Variants in RAP2A observed in about 807,000 individuals in gnomAD.
RAP2A encodes RAP2A, member of RAS oncogene family.
In RAP2A, 5 loss-of-function variants were observed where a neutral mutation model predicts 15.1. The observed-to-expected ratio is 0.33, with a 90% CI of 0.17 to 0.70. The LOEUF (loss-of-function observed/expected upper bound fraction) is 0.70. Ranked by LOEUF, RAP2A falls within the 30% of genes least tolerant of loss-of-function variation. The probability of loss-of-function intolerance (pLI) is 0.68; values close to 1 mark genes in which losing one functional copy is unlikely to be tolerated. For synonymous variants in RAP2A, 110 were observed against 99.7 expected, an observed-to-expected ratio of 1.10 and a Z score of -0.62; for missense variants, 111 against 240.3, an observed-to-expected ratio of 0.46 and a Z score of 3.56.
Position 97,434,437 on chromosome 13 carries a change from GGGCGGCGGCGGC to G in RAP2A, c.-24_-13del. 5 of 1,543,654 alleles carry G rather than the reference GGGCGGCGGCGGC, an allele frequency of 3.2e-6. No homozygotes were observed. Among genetic ancestry groups the G allele is most frequent in the African/African-American group, 1.4e-5 (1 of 72,332 alleles). On this transcript the variant is annotated 5_prime_UTR_variant, in exon 1 of 2. Coordinates refer to ENST00000245304, the MANE Select transcript of RAP2A (RefSeq NM_021033.7). ...CGCGGCCGGCGTAGGTCTATGTCGC[GGGCGGCGGCGGC>G]GGCGGCGGCCGCGGAGGGACGATGC...
intron 1 of RAP2A, among the ~76,000 whole-genome samples, chr13:97,458,727 T>C (rs2066734277): frequency 6.6e-6 from 1 of 152,092 alleles, no homozygotes; most frequent in African/African-American, 2.4e-5. Flanking sequence ...CAGAATAAAA[T>C]ATATATACGT....
rs147439154 is a variant in RAP2A, at chr13:97,443,727, T to C, written c.314+8943T>C. The stretch of plus-strand genomic sequence containing the variant: ...TCATCTTTAGGTTTCCAATGAACAT[T>C]ATGAATACTGTATGTATTATAATTC... On this transcript the variant is annotated intron_variant, in intron 1 of 1. Coordinates refer to ENST00000245304, the MANE Select transcript of RAP2A (RefSeq NM_021033.7). Among the ~76,000 whole-genome samples the C allele has an allele frequency of 5.1e-4, 77 of 152,338 alleles. 2 individuals carry two copies. The East Asian group carries it at 0.015, about 29-fold the overall frequency.
At chr13:97,460,372 A>G (rs947937816) in intron 1 of RAP2A, among the ~76,000 whole-genome samples, 3 of 152,292 alleles carry the variant, frequency 2.0e-5, no homozygotes, top group African/African-American at 7.2e-5. Flanking sequence ...GTGATTTTTA[A>G]CTTCAGAGTA....
intron 1 of RAP2A, among the ~76,000 whole-genome samples, chr13:97,456,165 G>A (rs780228697): frequency 9.9e-5 from 15 of 151,826 alleles, no homozygotes; most frequent in South Asian, 4.2e-4. Context: ...ACATACTCAC[G>A]CTCAAAGGGC....
intron 1 of RAP2A, among the ~76,000 whole-genome samples, chr13:97,461,621 C>T (rs1197126896): frequency 1.3e-5 from 2 of 152,122 alleles, no homozygotes; most frequent in Non-Finnish European, 2.9e-5. Flanking sequence ...TCCACATATT[C>T]TAGTAGATCC....
chr13:97,437,712 G>T (rs1252925582), intron 1 of RAP2A: 1 of 152,168 alleles, frequency 6.6e-6, no homozygotes, highest in Admixed American at 6.6e-5. Flanking sequence ...AATTGTGTTG[G>T]TATTCTCTTG....
At chr13:97,435,004 T>C (rs1367060607) in intron 1 of RAP2A, among the ~76,000 whole-genome samples, 1 of 152,256 alleles carries the variant, frequency 6.6e-6, no homozygotes, top group African/African-American at 2.4e-5. Context: ...AACAGCTCTT[T>C]GTCTCTTGGA....
intron 1 of RAP2A, among the ~76,000 whole-genome samples, chr13:97,441,496 T>C (rs1225390814): frequency 6.6e-6 from 1 of 152,092 alleles, no homozygotes; most frequent in Non-Finnish European, 1.5e-5. Flanking sequence ...TATGGCACAA[T>C]AAGGTGCATA....
chr13:97,449,458 G>T (rs1487652613), intron 1 of RAP2A, among the ~76,000 whole-genome samples: 2 of 152,120 alleles, frequency 1.3e-5, no homozygotes, highest in African/African-American at 4.8e-5. Flanking sequence ...GTCCATCCCT[G>T]TAATCACTAC....
chr13:97,462,033 T>G lies in RAP2A; in HGVS notation c.315-2172T>G, dbSNP rs202047919. On this transcript the variant is annotated intron_variant, in intron 1 of 1. Coordinates refer to ENST00000245304, the MANE Select transcript of RAP2A (RefSeq NM_021033.7). ...ATATTTATATAGATATTTATATATT[T>G]ATATATATTTATATATATATTTATA... is the stretch of plus-strand genomic sequence containing the variant. 4.7e-4 allele frequency among the ~76,000 whole-genome samples: 61 copies of G among 129,708 alleles called. No homozygotes were observed. In the East Asian group the frequency reaches 0.011, roughly 23 times the overall value. 85.1% of individuals were successfully genotyped at this position (129,708 alleles called of 152,430 possible).
intron 1 of RAP2A, among the ~76,000 whole-genome samples, chr13:97,448,556 C>T (rs1374523321): frequency 1.3e-5 from 2 of 152,108 alleles, no homozygotes; most frequent in African/African-American, 4.8e-5. Flanking sequence ...AAATAAGGAA[C>T]CTGAGGCTCA....
chr13:97,467,053 C>T lies in RAP2A; in HGVS notation c.*2611C>T, dbSNP rs1268371978. 2.0e-5 allele frequency: 3 copies of T among 152,612 alleles called. No individual in the cohort carries two copies. The highest frequency in any genetic ancestry group is 2.9e-5 in the Non-Finnish European group (2 of 68,040). The allele number at this position is 152,612 out of a possible 1,614,324, so 9.5% of individuals were successfully genotyped here. A position where few individuals can be genotyped will look rare whatever the true frequency, so the allele number is the denominator to read the frequency against. On this transcript the variant is annotated 3_prime_UTR_variant, in exon 2 of 2. Transcript: ENST00000245304. ...TTTTATGCCCTGATCAGACTAGCAACTTAGATAAGTGAAAGTTTTTCTAAC... is the reference window on the plus strand; with the variant it reads ...TTTTATGCCCTGATCAGACTAGCAATTTAGATAAGTGAAAGTTTTTCTAAC...
At chr13:97,441,733 T>A (rs1040700587) in intron 1 of RAP2A, 1 of 444,540 alleles carries the variant, frequency 2.2e-6, no homozygotes, top group African/African-American at 2.0e-5. Context: ...CATCTATTCT[T>A]ACCTACTGTT....
rs749767702 is a variant in RAP2A, at chr13:97,434,456, G to C, written c.-15G>C. Reference sequence around the variant, plus strand: ...TGTCGCGGGCGGCGGCGGCGGCGGCGGCCGCGGAGGGACGATGCGCGAGTA... The same window carrying C: ...TGTCGCGGGCGGCGGCGGCGGCGGCCGCCGCGGAGGGACGATGCGCGAGTA... On this transcript the variant is annotated 5_prime_UTR_variant, in exon 1 of 2. Transcript: ENST00000245304. 1.4e-5 allele frequency: 22 copies of C among 1,571,366 alleles called. No homozygotes were observed. The East Asian group carries it at 4.8e-4, about 34-fold the overall frequency.
chr13:97,463,893 GA>G (rs903230515), intron 1 of RAP2A, among the ~76,000 whole-genome samples: 3 of 150,986 alleles, frequency 2.0e-5, no homozygotes, highest in Non-Finnish European at 4.4e-5. Flanking sequence ...TCTCAGAATG[GA>G]AAAAAAAGAG....
At chr13:97,458,122 T>G (rs1471155225) in intron 1 of RAP2A, among the ~76,000 whole-genome samples, 2 of 152,150 alleles carry the variant, frequency 1.3e-5, no homozygotes, top group Admixed American at 1.3e-4. Context: ...TTTGGTAAGT[T>G]TATCATGGAA....
At chr13:97,436,355 A>C (rs987864091) in intron 1 of RAP2A, among the ~76,000 whole-genome samples, 1 of 152,210 alleles carries the variant, frequency 6.6e-6, no homozygotes, top group African/African-American at 2.4e-5. Context: ...TCAATTAAAA[A>C]GAAACAAACC....
In RAP2A at chr13:97,434,453, G is replaced by GGCC; in HGVS notation, c.-16_-15insCGC. On this transcript the variant is annotated 5_prime_UTR_variant, in exon 1 of 2. Transcript: ENST00000245304. ...CTATGTCGCGGGCGGCGGCGGCGGCGGCGGCCGCGGAGGGACGATGCGCGA... is the reference window on the plus strand; with the variant it reads ...CTATGTCGCGGGCGGCGGCGGCGGCGGCCGCGGCCGCGGAGGGACGATGCGCGA... 1 of 1,568,922 alleles carries GGCC rather than the reference G, an allele frequency of 6.4e-7. No individual in the cohort carries two copies. Among genetic ancestry groups the GGCC allele is most frequent in the South Asian group, 1.2e-5 (1 of 85,234 alleles).
intron 1 of RAP2A, chr13:97,441,798 C>CT (rs988745033): frequency 3.6e-5 from 16 of 444,654 alleles, no homozygotes; most frequent in South Asian, 8.0e-5. Context: ...TTTAAGTACT[C>CT]TAAGTTTTTT....
Sources: allele counts gnomAD v4.1 joint callset (sites outside exome capture counted in the v4.1 genomes callset), GRCh38; gene constraint gnomAD v4.1.1; transcripts MANE v1.5; gene names NCBI Gene and HGNC (gene_info 2026-07-23, HGNC 2026-07-21).